The following CCDC40 variants were observed in gnomAD, a reference collection of about 807,000 sequenced individuals.
The protein encoded by CCDC40 is coiled-coil domain-containing protein 40.
In CCDC40, 104 loss-of-function variants were observed where a neutral mutation model predicts 124.5. The observed-to-expected ratio is 0.84, with a 90% CI of 0.71 to 0.98. The LOEUF (loss-of-function observed/expected upper bound fraction) is 0.98. Ranked by LOEUF, CCDC40 falls within the 50% of genes least tolerant of loss-of-function variation. The pLI, the probability that CCDC40 is intolerant of heterozygous loss-of-function variation, is 0.00. For missense variants in CCDC40, 1,463 were observed against 1,503.9 expected (o/e 0.97, Z 0.45); for synonymous variants, 580 against 602.9 (o/e 0.96, Z 0.56).
Position 80,046,834 on chromosome 17 carries a change from G to A in CCDC40, c.553-445G>A, listed in dbSNP as rs74742196. Among the ~76,000 whole-genome samples, 1,339 of 152,096 alleles carry A rather than the reference G, an allele frequency of 8.8e-3. 69 individuals are homozygous for A. Among genetic ancestry groups the A allele is most frequent in the Admixed American group, 0.081 (1,234 of 15,254 alleles). On this transcript the variant is annotated intron_variant, in intron 3 of 19. Coordinates refer to ENST00000397545, the MANE Select transcript of CCDC40 (RefSeq NM_017950.4). ...TTCCCTTCATAAAAACACCTGGCTC[G>A]ATTTTAACTTTATTTATTTATTTAT...
intron 1 of CCDC40, among the ~76,000 whole-genome samples, chr17:80,037,717 A>ATATATATATATATATATG (rs1254082523): frequency 4.2e-5 from 6 of 142,998 alleles, no homozygotes; most frequent in Non-Finnish European, 9.1e-5. Context: ...ATATATATAT[A>ATATATATATATATATATG]TATTCCTGTG....
At chr17:80,089,925 C>G in intron 17 of CCDC40, 41 bp downstream of exon 17, 1 of 1,610,462 alleles carries the variant, frequency 6.2e-7, no homozygotes, top group East Asian at 2.2e-5. Context: ...TGCTGGGTGC[C>G]AGCCCTTGGG....
rs1185054167 is a variant in CCDC40 at position 80,050,286 on chromosome 17, A to G, written c.1159+3A>G. 1.3e-6 allele frequency: 2 copies of G among 1,554,248 alleles called. No individual in the cohort carries two copies. The highest frequency in any genetic ancestry group is 1.7e-6 in the Non-Finnish European group (2 of 1,149,968). On this transcript the variant is annotated splice_donor_region_variant and intron_variant, in intron 7 of 19. Coordinates refer to ENST00000397545, the MANE Select transcript of CCDC40 (RefSeq NM_017950.4). ...CGCCAACGAGGAGCGCAAAAAGTGT[A>G]AGGCAACCCGGCAGCCCCACACGCC...
chr17:80,038,228 T>C (rs775353651), intron 2 of CCDC40, 42 bp downstream of exon 2: 2 of 1,336,672 alleles, frequency 1.5e-6, no homozygotes, highest in South Asian at 2.4e-5. Context: ...TTATATTTAC[T>C]AGGAATTAAA....
chr17:80,072,015 T>C (rs190880327), intron 10 of CCDC40, among the ~76,000 whole-genome samples: 1 of 152,130 alleles, frequency 6.6e-6, no homozygotes, highest in East Asian at 1.9e-4. Context: ...GATTTTGTAT[T>C]TTTAAAAGAG....
intron 4 of CCDC40, 143 bp from the exon 5 acceptor site, chr17:80,048,440 C>A: frequency 1.4e-6 from 1 of 721,926 alleles, no homozygotes; most frequent in Non-Finnish European, 2.5e-6. Context: ...TTCTGACCCA[C>A]AGACCGTTGG....
At chr17:80,059,020 A>G in intron 9 of CCDC40, 40 bp downstream of exon 9, 1 of 1,613,398 alleles carries the variant, frequency 6.2e-7, no homozygotes, top group Non-Finnish European at 8.5e-7. Flanking sequence ...TCGACCCTCC[A>G]GTGAGTGTCC....
At chr17:80,092,404 C>T (rs1274026519) in intron 17 of CCDC40, among the ~76,000 whole-genome samples, 4 of 152,110 alleles carry the variant, frequency 2.6e-5, no homozygotes, top group African/African-American at 9.7e-5. Context: ...ATTTCCTCAT[C>T]CTCGAATTCC....
intron 16 of CCDC40, chr17:80,089,437 T>G (rs1287720549): frequency 5.8e-6 from 2 of 344,994 alleles, no homozygotes; most frequent in Non-Finnish European, 1.1e-5. Context: ...TATTCAGGCT[T>G]TTTACTTTTT....
Position 80,078,217 on chromosome 17 carries a change from G to A in CCDC40, c.1563-3329G>A, listed in dbSNP as rs571935443. Among the ~76,000 whole-genome samples, 915 of 151,726 alleles carry A rather than the reference G, an allele frequency of 6.0e-3. 2 individuals are homozygous for A. The highest frequency in any genetic ancestry group is 0.017 in the Middle Eastern group (5 of 294). ...GTGGTGGCGGGCGCCTGTAGTCCCAGCTACTTGGGAGGGTGAGGCAGGAGA... is the reference window on the plus strand; with the variant it reads ...GTGGTGGCGGGCGCCTGTAGTCCCAACTACTTGGGAGGGTGAGGCAGGAGA... On this transcript the variant is annotated intron_variant, in intron 10 of 19. Coordinates refer to ENST00000397545, the MANE Select transcript of CCDC40 (RefSeq NM_017950.4).
intron 9 of CCDC40, among the ~76,000 whole-genome samples, chr17:80,065,104 C>T (rs1288445763): frequency 1.3e-5 from 1 of 77,332 alleles, no homozygotes; most frequent in African/African-American, 5.1e-5. Flanking sequence ...CTCCCTCTCC[C>T]CCTCCTCCCT....
rs768412073 is a variant in CCDC40 at position 80,099,578 on chromosome 17, G to C, written c.3232G>C (p.Val1078Leu). ...GACACGCCTTAAGCACCTGCAGGCT[G>C]TGAAGGAGGGGCGCTACGTGTTCCT... ...LQTRLKHLQA[V>L]KEGRYVFLFR... The change falls in exon 20 of 20, where the codon GTG becomes CTG. Residue 1078 changes from valine to leucine, a missense_variant. Coordinates refer to ENST00000397545, the MANE Select transcript of CCDC40 (RefSeq NM_017950.4). 4 of 1,613,360 alleles carry C rather than the reference G, an allele frequency of 2.5e-6. No individual in the cohort carries two copies. Among genetic ancestry groups the C allele is most frequent in the Non-Finnish European group, 3.4e-6 (4 of 1,180,022 alleles).
At chr17:80,091,882 C>T (rs531363082) in intron 17 of CCDC40, among the ~76,000 whole-genome samples, 2 of 151,830 alleles carry the variant, frequency 1.3e-5, no homozygotes, top group African/African-American at 4.8e-5. Flanking sequence ...AAGCACATGG[C>T]GGCAGTCATA....
In CCDC40 at chr17:80,094,616, A is replaced by T. The variant is rs1160290107; in HGVS notation, c.2833-647A>T. On this transcript the variant is annotated intron_variant, in intron 17 of 19. Coordinates refer to ENST00000397545, the MANE Select transcript of CCDC40 (RefSeq NM_017950.4). ...AGGCTGAGGCAGAAGAATCACTTGAACCCGGGAGGCGAAGGTTGCAGTGAG... is the reference window on the plus strand; with the variant it reads ...AGGCTGAGGCAGAAGAATCACTTGATCCCGGGAGGCGAAGGTTGCAGTGAG... Among the ~76,000 whole-genome samples the T allele has an allele frequency of 2.6e-5, 4 of 152,038 alleles. No homozygotes were observed. The East Asian group carries it at 7.7e-4, about 29-fold the overall frequency.
rs112917601 is a variant in CCDC40 at position 80,039,416 on chromosome 17, ATT to A, written c.94-383_94-382del. On this transcript the variant is annotated intron_variant, in intron 2 of 19. Transcript: ENST00000397545. ...CAGATAAACTGAAGCATGAAACATG[ATT>A]TTTTTTTTTTTTGAGACAGAGTCTC... Among the ~76,000 whole-genome samples the A allele has an allele frequency of 3.3e-3, 474 of 144,516 alleles. 3 individuals carry two copies. Among genetic ancestry groups the A allele is most frequent in the African/African-American group, 0.011 (414 of 39,344 alleles). The allele number at this position is 144,516 out of a possible 152,430, so 94.8% of individuals were successfully genotyped here.
chr17:80,044,743 A>G (rs1182413164), intron 3 of CCDC40, among the ~76,000 whole-genome samples: 2 of 148,352 alleles, frequency 1.3e-5, no homozygotes, highest in East Asian at 3.9e-4. Flanking sequence ...ATATATCTCA[A>G]CAACAGCAAA....
At chr17:80,097,554 C>A in intron 19 of CCDC40, 151 bp downstream of exon 19, 1 of 709,988 alleles carries the variant, frequency 1.4e-6, no homozygotes, top group Non-Finnish European at 2.3e-6. Flanking sequence ...CCACCGGCTG[C>A]TCACATGTTT....
At position 80,097,412 on chromosome 17, in the gene CCDC40, G is replaced by C; in HGVS notation, c.3180+9G>C. The C allele has an allele frequency of 6.2e-7, 1 of 1,613,710 alleles. No homozygotes were observed. The highest frequency in any genetic ancestry group is 8.5e-7 in the Non-Finnish European group (1 of 1,179,860). On this transcript the variant is annotated intron_variant, in intron 19 of 19. Transcript: ENST00000397545. Reference sequence around the variant, plus strand: ...GGGCCCTCAAACGACAGGTAAACGTGTCCCAGGAGGTCCCTGGGGATGACG... The same window carrying C: ...GGGCCCTCAAACGACAGGTAAACGTCTCCCAGGAGGTCCCTGGGGATGACG...
At chr17:80,082,566 T>C (rs987691567) in intron 12 of CCDC40, among the ~76,000 whole-genome samples, 2 of 152,106 alleles carry the variant, frequency 1.3e-5, no homozygotes, top group Non-Finnish European at 2.9e-5. Context: ...CCAGAGCACA[T>C]CCTAGCAGTG....
Sources: gnomAD v4.1 joint callset for allele counts (sites outside exome capture counted in the v4.1 genomes callset) on GRCh38, gnomAD v4.1.1 for gene constraint, MANE v1.5 for transcripts, NCBI Gene and HGNC (gene_info 2026-07-23, HGNC 2026-07-21) for gene names.